Variants in TLK1 observed in about 807,000 individuals in gnomAD.
TLK1 encodes tousled like kinase 1.
A neutral mutation model predicts 105.3 loss-of-function variants in TLK1; 24 were observed. The observed-to-expected ratio is 0.23, with a 90% CI of 0.17 to 0.32. The LOEUF is 0.32. Among genes scored for constraint, TLK1 ranks in the 10% least tolerant of loss-of-function variants. The probability of loss-of-function intolerance (pLI) is 1.00; values close to 1 mark genes in which losing one functional copy is unlikely to be tolerated. For missense variants in TLK1, 558 were observed against 910.5 expected (o/e 0.61, Z 4.98); for synonymous variants, 321 against 310.4 (o/e 1.03, Z -0.36).
intron 1 of TLK1, among the ~76,000 whole-genome samples, chr2:171,172,362 C>T (rs2105303020): frequency 6.6e-6 from 1 of 152,286 alleles, no homozygotes; most frequent in African/African-American, 2.4e-5. Flanking sequence ...AAGCTATATA[C>T]ATTTAGATTT....
chr2:171,042,463 G>T (rs1283983486), intron 11 of TLK1, among the ~76,000 whole-genome samples: 1 of 151,912 alleles, frequency 6.6e-6, no homozygotes, highest in Non-Finnish European at 1.5e-5. Flanking sequence ...GCCCAGGCTA[G>T]TTTCAAATTC....
At chr2:170,996,475 T>C (rs1488028735) in intron 20 of TLK1, among the ~76,000 whole-genome samples, 178 bp downstream of exon 20, 1 of 152,282 alleles carries the variant, frequency 6.6e-6, no homozygotes, top group East Asian at 1.9e-4. Flanking sequence ...ATAAAAACTA[T>C]AGCAACCAGA....
intron 1 of TLK1, among the ~76,000 whole-genome samples, chr2:171,134,860 CA>C (rs770267004): frequency 2.0e-5 from 3 of 151,312 alleles, no homozygotes; most frequent in Non-Finnish European, 4.4e-5. Flanking sequence ...CTAAGCCTCC[CA>C]AAGTGCTAGG....
chr2:171,144,473 C>T (rs952935804), intron 1 of TLK1, among the ~76,000 whole-genome samples: 3 of 152,048 alleles, frequency 2.0e-5, no homozygotes, highest in African/African-American at 4.8e-5. Context: ...ATACAAAGTA[C>T]GTTCTCTGAT....
chr2:171,211,652 T>C (rs1693618319), intron 1 of TLK1, among the ~76,000 whole-genome samples: 1 of 151,546 alleles, frequency 6.6e-6, no homozygotes, highest in African/African-American at 2.4e-5. Flanking sequence ...CGGGTTCAAG[T>C]GGTTCTCCTG....
At chr2:171,146,415 G>A (rs1691794087) in intron 1 of TLK1, among the ~76,000 whole-genome samples, 2 of 152,278 alleles carry the variant, frequency 1.3e-5, no homozygotes, top group Non-Finnish European at 2.9e-5. Flanking sequence ...ATCAGCATAT[G>A]ACCCATCTGA....
intron 1 of TLK1, among the ~76,000 whole-genome samples, chr2:171,147,823 T>C (rs1193380397): frequency 6.6e-6 from 1 of 152,182 alleles, no homozygotes; most frequent in Admixed American, 6.5e-5. Flanking sequence ...TGAGACGCAG[T>C]TATACCATTT....
In TLK1 at chr2:170,993,170, C is replaced by T. The variant is rs1465728463; in HGVS notation, c.*610G>A. ...GTGAAAGAAAACGGACATGTGATCTCGAGGTACAACTTGGTAAAAGTCTGA... is the reference window on the plus strand; with the variant it reads ...GTGAAAGAAAACGGACATGTGATCTTGAGGTACAACTTGGTAAAAGTCTGA... On this transcript the variant is annotated 3_prime_UTR_variant, in exon 21 of 21. Transcript: ENST00000431350. 1.3e-5 allele frequency: 2 copies of T among 152,644 alleles called. No homozygotes were observed. Among genetic ancestry groups the T allele is most frequent in the East Asian group, 1.9e-4 (1 of 5,188 alleles). The allele number at this position is 152,644 out of a possible 1,614,324, so 9.5% of individuals were successfully genotyped here.
intron 4 of TLK1, 119 bp from the exon 5 acceptor site, chr2:171,058,316 T>A: frequency 1.1e-6 from 1 of 891,436 alleles, no homozygotes; most frequent in Admixed American, 2.2e-5. Flanking sequence ...GACATTTCAA[T>A]AGAGACATGC....
chr2:171,096,830 T>C (rs544524509), intron 2 of TLK1, among the ~76,000 whole-genome samples: 21 of 151,820 alleles, frequency 1.4e-4, no homozygotes, highest in Admixed American at 2.6e-4. Context: ...TCGAAAGAAA[T>C]TGAAGACAAT....
chr2:171,211,121 T>C (rs2105325383), intron 1 of TLK1, among the ~76,000 whole-genome samples: 1 of 152,324 alleles, frequency 6.6e-6, no homozygotes, highest in South Asian at 2.1e-4. Flanking sequence ...CATTCTTAGA[T>C]ACTAAAAAGC....
chr2:171,051,745 C>T (rs535305015), intron 8 of TLK1, among the ~76,000 whole-genome samples: 1 of 152,236 alleles, frequency 6.6e-6, no homozygotes, highest in South Asian at 2.1e-4. Flanking sequence ...TAAAAAGATG[C>T]TGCAGTACTT....
intron 1 of TLK1, among the ~76,000 whole-genome samples, chr2:171,151,727 A>G (rs928254724): frequency 1.8e-4 from 27 of 151,942 alleles, no homozygotes; most frequent in African/African-American, 5.8e-4. Flanking sequence ...CGCCCGCCTC[A>G]GCCTCCCAAA....
At chr2:171,144,964 A>T (rs541068561) in intron 1 of TLK1, among the ~76,000 whole-genome samples, 6 of 152,352 alleles carry the variant, frequency 3.9e-5, no homozygotes, top group African/African-American at 7.2e-5. Flanking sequence ...TTTATGAAAA[A>T]GTGGTAAACA....
At chr2:171,213,170 C>G (rs553505707) in intron 1 of TLK1, among the ~76,000 whole-genome samples, 7 of 151,596 alleles carry the variant, frequency 4.6e-5, no homozygotes, top group Non-Finnish European at 7.4e-5. Flanking sequence ...CTACAGGGCT[C>G]TATATCAGGC....
intron 8 of TLK1, among the ~76,000 whole-genome samples, chr2:171,053,119 A>T (rs1687321592): frequency 6.6e-6 from 1 of 152,174 alleles, no homozygotes; most frequent in African/African-American, 2.4e-5. Context: ...ATCCTACAGA[A>T]CTGCAGCAGT....
intron 1 of TLK1, among the ~76,000 whole-genome samples, chr2:171,136,309 C>A (rs978903713): frequency 1.3e-5 from 2 of 152,068 alleles, no homozygotes; most frequent in Non-Finnish European, 2.9e-5. Context: ...GTTGCTGGGG[C>A]CTAGGGGCAG....
chr2:171,010,934 T>C (rs1575511010), intron 14 of TLK1, among the ~76,000 whole-genome samples: 2 of 152,154 alleles, frequency 1.3e-5, no homozygotes, highest in Non-Finnish European at 2.9e-5. Context: ...ATTCTGGAAA[T>C]AAGACAACAG....
intron 6 of TLK1, among the ~76,000 whole-genome samples, chr2:171,056,095 A>T (rs911337093): frequency 6.6e-6 from 1 of 152,074 alleles, no homozygotes; most frequent in African/African-American, 2.4e-5. Context: ...GAAAGGAATT[A>T]TGCTATCATT....
Sources: gnomAD v4.1 joint callset for allele counts (sites outside exome capture counted in the v4.1 genomes callset) on GRCh38, gnomAD v4.1.1 for gene constraint, MANE v1.5 for transcripts, NCBI Gene and HGNC (gene_info 2026-07-23, HGNC 2026-07-21) for gene names.